KICS2: variants seen among roughly 807,000 people sequenced by gnomAD.
KICS2 encodes the protein KICSTOR complex protein C12orf66.
In KICS2, 13 loss-of-function variants were observed where a neutral mutation model predicts 31.4. The ratio of observed to expected loss-of-function variants is 0.41; its 90% confidence interval spans 0.27 to 0.66. The LOEUF is 0.66. Among genes scored for constraint, KICS2 ranks in the 30% least tolerant of loss-of-function variants. The pLI, the probability that KICS2 is intolerant of heterozygous loss-of-function variation, is 0.28. For synonymous variants in KICS2, 209 were observed against 214.8 expected, an observed-to-expected ratio of 0.97 and a Z score of 0.24; for missense variants, 455 against 545.4, an observed-to-expected ratio of 0.83 and a Z score of 1.65.
intron 2 of KICS2, among the ~76,000 whole-genome samples, chr12:64,196,353 A>C (rs867420278): frequency 2.0e-5 from 3 of 151,598 alleles, no homozygotes; most frequent in East Asian, 1.9e-4. Flanking sequence ...GACACCTCAC[A>C]CGGCAGGGTA....
At chr12:64,216,023 C>G (rs1256932023) in intron 1 of KICS2, 60 bp from the exon 2 acceptor site, 4 of 1,451,698 alleles carry the variant, frequency 2.8e-6, no homozygotes, top group Admixed American at 4.6e-5. Flanking sequence ...AAGTACCAAA[C>G]ACCTACCAAC....
At position 64,194,581 on chromosome 12, in the gene KICS2, G is replaced by A; in HGVS notation, c.599C>T (p.Ala200Val). The change falls in exon 3 of 3, where the codon GCC becomes GTC. Residue 200 changes from alanine (A) to valine (V), a missense_variant. By Grantham distance (64) the Ala-to-Val change is moderately conservative. Transcript: ENST00000398055. ...CTTCCACTCTGAGACCTGGGCCTGGGCTTTCAGGAGATGACACAGGACGTC... is the reference window on the plus strand; with the variant it reads ...CTTCCACTCTGAGACCTGGGCCTGGACTTTCAGGAGATGACACAGGACGTC... ...EVDVLCHLLK[A>V]QAQVSEWKFL... is the part of the protein sequence containing the mutation. 1.2e-6 allele frequency: 2 copies of A among 1,614,136 alleles called. No homozygotes were observed. The highest frequency in any genetic ancestry group is 1.7e-6 in the Non-Finnish European group (2 of 1,180,020).
intron 2 of KICS2, among the ~76,000 whole-genome samples, chr12:64,213,101 A>G (rs790004): frequency 0.71 from 104,690 of 146,942 alleles, 37,735 homozygotes; most frequent in East Asian, 0.94. Flanking sequence ...AAAAAAAAAA[A>G]AAAAGAAAAG....
intron 1 of KICS2, among the ~76,000 whole-genome samples, chr12:64,219,415 G>C (rs574995835): frequency 4.5e-4 from 69 of 152,164 alleles, no homozygotes; most frequent in Middle Eastern, 6.8e-3. Context: ...CCAAGATAAG[G>C]GCCCTACTCG....
At chr12:64,189,075 C>T (rs2037360732), downstream of KICS2, among the ~76,000 whole-genome samples, 1 of 152,058 alleles carries the variant, frequency 6.6e-6, no homozygotes, top group African/African-American at 2.4e-5. Flanking sequence ...ATCACTTGAA[C>T]CCTGGAGGCG....
At chr12:64,220,702 TATAC>T (rs1272996879) in intron 1 of KICS2, among the ~76,000 whole-genome samples, 1 of 152,142 alleles carries the variant, frequency 6.6e-6, no homozygotes, top group Non-Finnish European at 1.5e-5. Flanking sequence ...CTGTATATAT[TATAC>T]ATAAATTATA....
At chr12:64,210,866 T>C (rs1321522731) in intron 2 of KICS2, among the ~76,000 whole-genome samples, 2 of 152,118 alleles carry the variant, frequency 1.3e-5, no homozygotes, top group Non-Finnish European at 2.9e-5. Context: ...CACACACGTG[T>C]ATGCACACAC....
chr12:64,201,616 A>ACG (rs1565716251), intron 2 of KICS2, among the ~76,000 whole-genome samples: 5 of 124,268 alleles, frequency 4.0e-5, no homozygotes, highest in African/African-American at 1.7e-4. Context: ...AAAAAAAAAA[A>ACG]AAGAAAAAAA....
intron 2 of KICS2, among the ~76,000 whole-genome samples, chr12:64,214,706 C>T (rs925255961): frequency 6.6e-6 from 1 of 151,906 alleles, no homozygotes; most frequent in African/African-American, 2.4e-5. Context: ...GATGAAACCC[C>T]ATCTCTACTA....
intron 2 of KICS2, among the ~76,000 whole-genome samples, chr12:64,211,815 T>C (rs1011970252): frequency 1.1e-4 from 16 of 152,030 alleles, no homozygotes; most frequent in Admixed American, 2.6e-4. Context: ...CAATAAAAAA[T>C]AACAAGCAAC....
intron 2 of KICS2, among the ~76,000 whole-genome samples, chr12:64,205,636 G>GGAAGGAAGGAA (rs2037530180): frequency 1.8e-4 from 1 of 5,600 alleles, no homozygotes. Context: ...GAAAAAGGGA[G>GGAAGGAAGGAA]GGAAGGAATG....
Position 64,192,540 on chromosome 12 carries a change from G to A in KICS2, c.*1302C>T. The A allele has an allele frequency of 1.1e-6, 1 of 931,652 alleles. No homozygotes were observed. The highest frequency in any genetic ancestry group is 5.5e-4 in the Middle Eastern group (1 of 1,802). The allele number at this position is 931,652 out of a possible 1,614,324, so 57.7% of individuals were successfully genotyped here. On this transcript the variant is annotated 3_prime_UTR_variant, in exon 3 of 3. Coordinates refer to ENST00000398055, the MANE Select transcript of KICS2 (RefSeq NM_152440.5). ...CTGGCATACCTGCTGTGGACACCCA[G>A]TAAAACAGTGGCTCCACACAATCAT...
chr12:64,219,706 T>C (rs775748789), intron 1 of KICS2, among the ~76,000 whole-genome samples: 37 of 152,358 alleles, frequency 2.4e-4, no homozygotes, highest in Middle Eastern at 3.4e-3. Context: ...TTGTGGTGAT[T>C]ATTTCACAAT....
chr12:64,186,756 T>A (rs1224884802), downstream of KICS2: 1 of 152,202 alleles, frequency 6.6e-6, no homozygotes, highest in Non-Finnish European at 1.5e-5. Context: ...CCCGGGTGGC[T>A]GGGGCCAGGT....
At chr12:64,216,091 C>A in intron 1 of KICS2, 128 bp from the exon 2 acceptor site, 1 of 644,846 alleles carries the variant, frequency 1.6e-6, no homozygotes, top group African/African-American at 2.4e-5. Flanking sequence ...CTACCATATT[C>A]TCTGTCTATG....
chr12:64,221,983 G>A lies in KICS2; in HGVS notation c.235+20C>T. On this transcript the variant is annotated intron_variant, in intron 1 of 2. Coordinates refer to ENST00000398055, the MANE Select transcript of KICS2 (RefSeq NM_152440.5). ...CCTTTACTTCCTCCTCAAGGGGCTCGGGGGGCGGGGCGGAGGTACCTAGTT... is the reference window on the plus strand; with the variant it reads ...CCTTTACTTCCTCCTCAAGGGGCTCAGGGGGCGGGGCGGAGGTACCTAGTT... 6.2e-7 allele frequency: 1 copy of A among 1,604,656 alleles called. No individual in the cohort carries two copies. The highest frequency in any genetic ancestry group is 8.5e-7 in the Non-Finnish European group (1 of 1,174,468).
At chr12:64,196,247 A>C (rs1271875861) in intron 2 of KICS2, among the ~76,000 whole-genome samples, 3 of 150,942 alleles carry the variant, frequency 2.0e-5, no homozygotes, top group African/African-American at 7.4e-5. Context: ...ACGCAGCTGG[A>C]GATCTGAGAA....
Position 64,222,068 on chromosome 12 carries a change from G to A in KICS2, c.170C>T (p.Ala57Val), listed in dbSNP as rs759001709. Residue 57 changes from alanine to valine, a missense_variant, in exon 1 of 3, where the codon GCC (alanine) becomes GTC (valine). Ala to Val is a moderately conservative substitution (Grantham distance 64). Coordinates refer to ENST00000398055, the MANE Select transcript of KICS2 (RefSeq NM_152440.5). The stretch of plus-strand genomic sequence containing the variant: ...CTCGGCCGCGGCCAGGTGCGCCAAG[G>A]CCGCCAGCAGCGACAGCCAGCTGCC... Reference protein sequence around the residue: ...AGGSWLSLLAALAHLAAAEKV... With the variant: ...AGGSWLSLLAVLAHLAAAEKV... 1.2e-6 allele frequency: 2 copies of A among 1,613,684 alleles called. No individual in the cohort carries two copies. The highest frequency in any genetic ancestry group is 1.1e-5 in the South Asian group (1 of 91,074).
intron 2 of KICS2, among the ~76,000 whole-genome samples, chr12:64,207,933 T>C (rs1387624103): frequency 6.6e-6 from 1 of 152,210 alleles, no homozygotes; most frequent in Admixed American, 6.5e-5. Context: ...ATGAGGAACA[T>C]ATTGAGTATT....
Sources: allele counts gnomAD v4.1 joint callset (sites outside exome capture counted in the v4.1 genomes callset), GRCh38; gene constraint gnomAD v4.1.1; transcripts MANE v1.5; gene names NCBI Gene and HGNC (gene_info 2026-07-23, HGNC 2026-07-21).